The following NAV3 variants were observed in gnomAD, a reference collection of about 807,000 sequenced individuals.
The protein encoded by NAV3 is neuron navigator 3.
A neutral mutation model predicts 244.7 loss-of-function variants in NAV3; 87 were observed. That is an observed-to-expected ratio of 0.36 (90% CI 0.30 to 0.42). The LOEUF is 0.42. Ranked by LOEUF, NAV3 falls within the 20% of genes least tolerant of loss-of-function variation. The pLI, the probability that NAV3 is intolerant of heterozygous loss-of-function variation, is 1.00. For synonymous variants in NAV3, 1,126 were observed against 1,042.2 expected (o/e 1.08, Z -1.55); for missense variants, 2,663 against 2,893.3 (o/e 0.92, Z 1.83).
chr12:77,850,014 C>T (rs1309819236), intron 1 of NAV3, among the ~76,000 whole-genome samples: 4 of 152,244 alleles, frequency 2.6e-5, no homozygotes, highest in South Asian at 4.1e-4. Flanking sequence ...TAAAATTCTA[C>T]GCCCGTGTCC....
Position 78,090,634 on chromosome 12 carries a change from G to A in NAV3, c.2637-26138G>A, listed in dbSNP as rs1953875781. On this transcript the variant is annotated intron_variant, in intron 12 of 39. Coordinates refer to ENST00000397909, the MANE Select transcript of NAV3 (RefSeq NM_001024383.2). Reference sequence around the variant, plus strand: ...CAGAGTAACCCTGGGCACTTCCTTTGTAGGTTCTGGTTGTAATTGACACCA... The same window carrying A: ...CAGAGTAACCCTGGGCACTTCCTTTATAGGTTCTGGTTGTAATTGACACCA... Among the ~76,000 whole-genome samples the A allele has an allele frequency of 2.0e-5, 3 of 152,074 alleles. 1 individual carries two copies. The South Asian group carries it at 6.2e-4, about 32-fold the overall frequency.
At chr12:77,792,526 A>T (rs11106706) in intron 2 of NAV3, among the ~76,000 whole-genome samples, 54,551 of 152,050 alleles carry the variant, frequency 0.36, 10,757 homozygotes, top group East Asian at 0.47. Context: ...ACATTTACAC[A>T]TGCTTTCCAG....
chr12:77,900,628 C>T (rs1027743533), intron 1 of NAV3, among the ~76,000 whole-genome samples: 4 of 152,060 alleles, frequency 2.6e-5, no homozygotes, highest in African/African-American at 9.7e-5. Flanking sequence ...TTATGGTCTT[C>T]TAAGTTGATT....
chr12:77,938,299 A>T (rs1296089751), intron 1 of NAV3, among the ~76,000 whole-genome samples: 1 of 152,222 alleles, frequency 6.6e-6, no homozygotes, highest in Non-Finnish European at 1.5e-5. Context: ...ATCAAATCTT[A>T]ACTGAGAAAA....
chr12:78,121,102 C>T (rs1188533595), intron 15 of NAV3, among the ~76,000 whole-genome samples: 2 of 152,068 alleles, frequency 1.3e-5, no homozygotes, highest in Non-Finnish European at 2.9e-5. Flanking sequence ...TTCTCATATT[C>T]GTCATAAAAT....
chr12:77,914,193 A>G (rs950320864), intron 1 of NAV3, among the ~76,000 whole-genome samples: 5 of 152,110 alleles, frequency 3.3e-5, no homozygotes, highest in African/African-American at 1.2e-4. Context: ...AGAGAGAATC[A>G]TCTCACAATC....
chr12:77,952,070 A>T (rs947179662), intron 3 of NAV3, among the ~76,000 whole-genome samples: 2 of 127,378 alleles, frequency 1.6e-5, no homozygotes, highest in Admixed American at 1.5e-4. Flanking sequence ...AGTATAATTA[A>T]AAAAAAAAAA....
intron 2 of NAV3, among the ~76,000 whole-genome samples, chr12:77,613,047 G>A (rs1477915695): frequency 6.6e-6 from 1 of 152,102 alleles, no homozygotes; most frequent in Non-Finnish European, 1.5e-5. Context: ...ATGCTGAACT[G>A]TGAGTCAATT....
At chr12:77,766,785 G>A (rs377700424) in intron 2 of NAV3, among the ~76,000 whole-genome samples, 10 of 87,100 alleles carry the variant, frequency 1.1e-4, no homozygotes, top group East Asian at 7.7e-4. Flanking sequence ...ACGGAGTCTC[G>A]CTCTGTCACC....
intron 38 of NAV3, among the ~76,000 whole-genome samples, chr12:78,201,124 G>A (rs2140043100): frequency 7.7e-6 from 1 of 129,356 alleles, no homozygotes; most frequent in East Asian, 2.4e-4. Flanking sequence ...TCAGGCTAGT[G>A]CGCAGTGGTA....
chr12:77,723,837 G>A (rs549346731), intron 2 of NAV3, among the ~76,000 whole-genome samples: 1 of 127,822 alleles, frequency 7.8e-6, no homozygotes, highest in African/African-American at 3.0e-5. Flanking sequence ...TCAACCTTCT[G>A]CAACTTAAAC....
At chr12:78,149,640 G>A (rs1956995484) in intron 22 of NAV3, among the ~76,000 whole-genome samples, 1 of 152,052 alleles carries the variant, frequency 6.6e-6, no homozygotes, top group Non-Finnish European at 1.5e-5. Context: ...GAGGGGTAAG[G>A]AAATGCCTGC....
At chr12:77,987,701 T>C (rs1250686026) in intron 5 of NAV3, among the ~76,000 whole-genome samples, 1 of 152,066 alleles carries the variant, frequency 6.6e-6, no homozygotes. Flanking sequence ...AACAACGCAG[T>C]CTGTTTAGGA....
chr12:78,104,105 G>A (rs7307012), intron 12 of NAV3, among the ~76,000 whole-genome samples: 7 of 151,976 alleles, frequency 4.6e-5, no homozygotes, highest in East Asian at 1.9e-4. Context: ...ATGTTTCTTC[G>A]ATTAATGGAA....
chr12:77,866,555 TAATA>T, intron 1 of NAV3, among the ~76,000 whole-genome samples: 1 of 152,324 alleles, frequency 6.6e-6, no homozygotes, highest in South Asian at 2.1e-4. Context: ...ACATCAAGAC[TAATA>T]AATAAGATTT....
intron 2 of NAV3, among the ~76,000 whole-genome samples, chr12:77,601,923 TGAGGAACAATGCCTTTGA>T (rs1301251125): frequency 5.9e-5 from 9 of 152,112 alleles, no homozygotes; most frequent in African/African-American, 1.7e-4. Flanking sequence ...TGAAGTTTTG[TGAGGAACAATGCCTTTGA>T]AATTCTGGCT....
intron 1 of NAV3, among the ~76,000 whole-genome samples, chr12:77,899,098 G>A (rs1422841623): frequency 6.6e-6 from 1 of 152,224 alleles, no homozygotes; most frequent in African/African-American, 2.4e-5. Flanking sequence ...CAGATGAGGA[G>A]TTGCTTCTTA....
intron 22 of NAV3, among the ~76,000 whole-genome samples, chr12:78,158,935 T>G (rs534610971): frequency 6.6e-6 from 1 of 152,190 alleles, no homozygotes; most frequent in Non-Finnish European, 1.5e-5. Context: ...CAGAAGGAGT[T>G]ATTACTTGCA....
chr12:78,128,178 T>C (rs1213493556), intron 17 of NAV3, among the ~76,000 whole-genome samples: 1 of 152,048 alleles, frequency 6.6e-6, no homozygotes, highest in African/African-American at 2.4e-5. Flanking sequence ...GAAATTTATG[T>C]TCCAGTAAAG....
Sources: allele counts gnomAD v4.1 joint callset (sites outside exome capture counted in the v4.1 genomes callset), GRCh38; gene constraint gnomAD v4.1.1; transcripts MANE v1.5; gene names NCBI Gene and HGNC (gene_info 2026-07-23, HGNC 2026-07-21).